The following TVP23A variants were observed in gnomAD, a reference collection of about 807,000 sequenced individuals.
The protein encoded by TVP23A is trans-golgi network vesicle protein 23 homolog A, also known as Golgi apparatus membrane protein TVP23 homolog A.
Under a neutral mutation model 31.7 loss-of-function variants are expected in TVP23A, and 21 were observed. That is an observed-to-expected ratio of 0.66 (90% CI 0.47 to 0.95). The LOEUF (loss-of-function observed/expected upper bound fraction) is 0.95. TVP23A is among the 40% of genes least tolerant of loss of function. The probability of loss-of-function intolerance (pLI) is 0.00; values close to 1 mark genes in which losing one functional copy is unlikely to be tolerated. For synonymous variants in TVP23A, 104 were observed against 96.0 expected (o/e 1.08, Z -0.49); for missense variants, 279 against 255.6 (o/e 1.09, Z -0.62).
chr16:10,813,430 G>A lies in TVP23A; in HGVS notation c.89+4673C>T, dbSNP rs74978930. ...ATAACTGTTTTCACTCTATACTAGCGATTCTTAACTTTTTTGGATCATGGG... is the reference window on the plus strand; with the variant it reads ...ATAACTGTTTTCACTCTATACTAGCAATTCTTAACTTTTTTGGATCATGGG... On this transcript the variant is annotated intron_variant, in intron 2 of 7. Transcript: ENST00000299866. 3.4e-3 allele frequency among the ~76,000 whole-genome samples: 521 copies of A among 152,224 alleles called. 2 individuals carry two copies. The highest frequency in any genetic ancestry group is 0.024 in the Middle Eastern group (7 of 294).
rs756138387 is a variant in TVP23A, at chr16:10,818,074, C to T, written c.89+29G>A. On this transcript the variant is annotated intron_variant, in intron 2 of 7. Coordinates refer to ENST00000299866, the MANE Select transcript of TVP23A (RefSeq NM_001079512.4). The surrounding 1 kb of genome is among the most constrained non-coding windows in gnomAD (Gnocchi z 4.7). Reference sequence around the variant, plus strand: ...TGAATGAATTTGCAGCTTTGGGGAACGCCTGACCCAAGCTCCATCCCAACA... The same window carrying T: ...TGAATGAATTTGCAGCTTTGGGGAATGCCTGACCCAAGCTCCATCCCAACA... 2 of 1,572,708 alleles carry T rather than the reference C, an allele frequency of 1.3e-6. No individual in the cohort carries two copies. The highest frequency in any genetic ancestry group is 1.7e-6 in the Non-Finnish European group (2 of 1,151,010).
chr16:10,786,110 G>T (rs897790532), intron 2 of TVP23A, among the ~76,000 whole-genome samples: 1 of 152,234 alleles, frequency 6.6e-6, no homozygotes, highest in Non-Finnish European at 1.5e-5. Flanking sequence ...ATTTATCTCA[G>T]TGAGCAGGGG....
At chr16:10,807,144 C>T (rs989600069) in intron 2 of TVP23A, among the ~76,000 whole-genome samples, 1 of 152,158 alleles carries the variant, frequency 6.6e-6, no homozygotes, top group African/African-American at 2.4e-5. Flanking sequence ...GGGGTCCTCA[C>T]TCATTGAGGT....
chr16:10,788,528 G>A (rs2032905795), intron 2 of TVP23A, among the ~76,000 whole-genome samples: 1 of 152,118 alleles, frequency 6.6e-6, no homozygotes, highest in African/African-American at 2.4e-5. Flanking sequence ...CACCCGTAAG[G>A]TACCCGAAGT....
chr16:10,757,991 A>G (rs753169595), downstream of TVP23A: 8 of 1,613,934 alleles, frequency 5.0e-6, no homozygotes, highest in East Asian at 1.8e-4. This position sits in a 1 kb window ranked among gnomAD's most constrained non-coding sequence, Gnocchi z 4.1. Flanking sequence ...TGGCCACAGC[A>G]CACATCGATG....
chr16:10,775,235 C>T, intron 2 of TVP23A, 139 bp from the exon 3 acceptor site: 3 of 1,457,820 alleles, frequency 2.1e-6, no homozygotes, highest in Admixed American at 5.2e-5. Context: ...GACGCAGAAA[C>T]TCAGGCTGTA....
exon 9 of TVP23A, chr16:10,761,409 A>G: frequency 6.2e-7 from 1 of 1,614,136 alleles, no homozygotes; most frequent in Non-Finnish European, 8.5e-7. Flanking sequence ...CTTCTGCCGC[A>G]AGGTGAAGCT....
intron 2 of TVP23A, among the ~76,000 whole-genome samples, chr16:10,816,183 T>C (rs998892008): frequency 2.1e-5 from 3 of 143,270 alleles, no homozygotes; most frequent in Non-Finnish European, 4.5e-5. Flanking sequence ...GCCATAATTG[T>C]ACTACTGCAC....
downstream of TVP23A, among the ~76,000 whole-genome samples, chr16:10,759,999 A>G (rs1264641511): frequency 1.3e-5 from 2 of 152,226 alleles, no homozygotes; most frequent in South Asian, 4.1e-4. The surrounding 1 kb of genome is among the most constrained non-coding windows in gnomAD (Gnocchi z 4.7). Flanking sequence ...GGACTTGGGT[A>G]CAGGGATCTG....
intron 2 of TVP23A, among the ~76,000 whole-genome samples, chr16:10,795,093 G>A (rs1237588692): frequency 1.3e-5 from 2 of 152,098 alleles, no homozygotes; most frequent in Non-Finnish European, 2.9e-5. Context: ...GCTGCCAGAC[G>A]CCATGAGAGT....
rs141507421 is a variant in TVP23A, at chr16:10,776,791, G to C, written c.90-1695C>G. On this transcript the variant is annotated intron_variant, in intron 2 of 7. Transcript: ENST00000299866. Reference sequence around the variant, plus strand: ...TATTTCTTGATGATATGCTAAAGAAGGGGTGGATTATTCATGCCTCCCCTT... The same window carrying C: ...TATTTCTTGATGATATGCTAAAGAACGGGTGGATTATTCATGCCTCCCCTT... Among the ~76,000 whole-genome samples the C allele has an allele frequency of 4.2e-3, 646 of 152,262 alleles. 4 individuals carry two copies. The highest frequency in any genetic ancestry group is 0.015 in the African/African-American group (622 of 41,542).
At position 10,818,322 on chromosome 16, in the gene TVP23A, C is replaced by T. The variant is rs1326515520; in HGVS notation, c.10-140G>A. On this transcript the variant is annotated intron_variant, in intron 1 of 7. Transcript: ENST00000299866. This position sits in a 1 kb window ranked among gnomAD's most constrained non-coding sequence, Gnocchi z 4.7. ...ACCCTCCGAGCTGGCGGGGCCCCTC[C>T]GCTGCGGCTGCAGTGCAAAGCCCTC... The T allele has an allele frequency of 5.9e-6, 8 of 1,348,886 alleles. No individual in the cohort carries two copies. The East Asian group carries it at 1.3e-4, about 21-fold the overall frequency. 83.6% of individuals were successfully genotyped at this position (1,348,886 alleles called of 1,614,324 possible). A position where few individuals can be genotyped will look rare whatever the true frequency, so the allele number is the denominator to read the frequency against.
chr16:10,792,009 T>C (rs1473103324), intron 2 of TVP23A, among the ~76,000 whole-genome samples: 4 of 152,196 alleles, frequency 2.6e-5, no homozygotes, highest in Non-Finnish European at 4.4e-5. Context: ...GTGGCCAGCC[T>C]TCCCTGAGTG....
chr16:10,807,879 C>T (rs1353998116), intron 2 of TVP23A, among the ~76,000 whole-genome samples: 2 of 152,110 alleles, frequency 1.3e-5, no homozygotes, highest in Non-Finnish European at 2.9e-5. Flanking sequence ...TTCAAATCTC[C>T]TCTGTTTTTT....
At chr16:10,764,492 C>A (rs2954100), downstream of TVP23A, among the ~76,000 whole-genome samples, 1 of 150,462 alleles carries the variant, frequency 6.6e-6, no homozygotes, top group African/African-American at 2.5e-5. Flanking sequence ...TCTATTGGAG[C>A]ATCTCAGTCT....
In TVP23A at chr16:10,777,891, G is replaced by C. The variant is rs949347479; in HGVS notation, c.90-2795C>G. Reference sequence around the variant, plus strand: ...CTGAGCGTGGTGGTGGGCGCCTGTAGTCCCAGCTACTCGGGACGCTGAGGC... The same window carrying C: ...CTGAGCGTGGTGGTGGGCGCCTGTACTCCCAGCTACTCGGGACGCTGAGGC... On this transcript the variant is annotated intron_variant, in intron 2 of 7. Transcript: ENST00000299866. The surrounding 1 kb of genome is among the most constrained non-coding windows in gnomAD (Gnocchi z 4.5). Among the ~76,000 whole-genome samples, 8 of 151,936 alleles carry C rather than the reference G, an allele frequency of 5.3e-5. No individual in the cohort carries two copies. Among genetic ancestry groups the C allele is most frequent in the African/African-American group, 1.9e-4 (8 of 41,356 alleles).
intron 8 of TVP23A, chr16:10,761,626 G>C (rs1484982531): frequency 4.0e-5 from 38 of 944,536 alleles, no homozygotes; most frequent in Non-Finnish European, 5.4e-5. Context: ...CTAAAGGAAA[G>C]TTCTTTAGGT....
rs756138387 is a variant in TVP23A at position 10,818,074 on chromosome 16, C to G, written c.89+29G>C. 10 of 1,572,590 alleles carry G rather than the reference C, an allele frequency of 6.4e-6. No individual in the cohort carries two copies. The highest frequency in any genetic ancestry group is 7.8e-6 in the Non-Finnish European group (9 of 1,151,018). ...TGAATGAATTTGCAGCTTTGGGGAA[C>G]GCCTGACCCAAGCTCCATCCCAACA... On this transcript the variant is annotated intron_variant, in intron 2 of 7. Coordinates refer to ENST00000299866, the MANE Select transcript of TVP23A (RefSeq NM_001079512.4). The surrounding 1 kb of genome is among the most constrained non-coding windows in gnomAD (Gnocchi z 4.7).
chr16:10,778,267 G>A (rs1310327795), intron 2 of TVP23A, among the ~76,000 whole-genome samples: 5 of 152,158 alleles, frequency 3.3e-5, no homozygotes. Context: ...CTGGGAGGTG[G>A]AGGTTGCAGT....
Sources: gnomAD v4.1 joint callset for allele counts (sites outside exome capture counted in the v4.1 genomes callset) on GRCh38, gnomAD v4.1.1 for gene constraint, Gnocchi (gnomAD v3.1) non-coding constraint, MANE v1.5 for transcripts, NCBI Gene and HGNC (gene_info 2026-07-23, HGNC 2026-07-21) for gene names.